Variants in RALYL observed in about 807,000 individuals in gnomAD.
RALYL encodes RALY RNA binding protein like, also known as RNA-binding Raly-like protein.
A neutral mutation model predicts 35.1 loss-of-function variants in RALYL; 29 were observed. The ratio of observed to expected loss-of-function variants is 0.83; its 90% confidence interval spans 0.61 to 1.13. The LOEUF is 1.13. RALYL is among the 50% of genes most tolerant of loss of function. The pLI is 0.00. For missense variants in RALYL, 359 were observed against 360.4 expected (o/e 1.00, Z 0.03); for synonymous variants, 120 against 127.6 (o/e 0.94, Z 0.40).
At chr8:84,502,557 A>G (rs1161527692) in intron 1 of RALYL, among the ~76,000 whole-genome samples, 1 of 152,112 alleles carries the variant, frequency 6.6e-6, no homozygotes, top group African/African-American at 2.4e-5. Context: ...ATAGAATAAA[A>G]AAGGTTTCTT....
intron 2 of RALYL, among the ~76,000 whole-genome samples, chr8:84,583,570 A>C (rs1811326070): frequency 6.6e-6 from 1 of 152,164 alleles, no homozygotes; most frequent in South Asian, 2.1e-4. Context: ...AAGTCCAGTA[A>C]AATTTAGGTT....
At chr8:84,507,635 G>A (rs953436431) in intron 1 of RALYL, among the ~76,000 whole-genome samples, 9 of 152,158 alleles carry the variant, frequency 5.9e-5, no homozygotes, top group Admixed American at 2.0e-4. Context: ...CAGGAGATAA[G>A]CTCAAATGAC....
intron 2 of RALYL, among the ~76,000 whole-genome samples, chr8:84,741,961 C>G (rs890419436): frequency 1.3e-5 from 2 of 150,102 alleles, no homozygotes; most frequent in African/African-American, 4.9e-5. Context: ...TATTTTGGTT[C>G]TCTTTCCTTT....
chr8:84,903,481 G>C (rs1205867587), intron 8 of RALYL, among the ~76,000 whole-genome samples: 2 of 152,042 alleles, frequency 1.3e-5, no homozygotes, highest in African/African-American at 2.4e-5. Flanking sequence ...TAAACACAGA[G>C]AGACAGACTA....
intron 4 of RALYL, among the ~76,000 whole-genome samples, chr8:84,848,749 G>A (rs753219023): frequency 1.3e-5 from 2 of 152,074 alleles, no homozygotes; most frequent in African/African-American, 2.4e-5. Flanking sequence ...TGTACTTAAC[G>A]CCATTGAATC....
At chr8:84,428,102 T>TCACACA (rs1364681176) in intron 1 of RALYL, among the ~76,000 whole-genome samples, 38 of 131,236 alleles carry the variant, frequency 2.9e-4, no homozygotes, top group African/African-American at 1.1e-3. Flanking sequence ...TCTCTCTCTC[T>TCACACA]CTCTCACACA....
At chr8:84,823,406 T>G (rs371984358) in intron 4 of RALYL, among the ~76,000 whole-genome samples, 31 of 152,252 alleles carry the variant, frequency 2.0e-4, no homozygotes, top group Middle Eastern at 6.8e-3. Flanking sequence ...TTGAAGACTC[T>G]TGAAAGAGAG....
intron 4 of RALYL, among the ~76,000 whole-genome samples, chr8:84,835,667 A>C (rs1831852716): frequency 6.7e-6 from 1 of 149,366 alleles, no homozygotes; most frequent in African/African-American, 2.5e-5. Context: ...TGGGCAACAA[A>C]AGCAAAACTC....
intron 2 of RALYL, chr8:84,679,637 G>T: frequency 4.2e-6 from 2 of 480,248 alleles, no homozygotes; most frequent in Non-Finnish European, 8.4e-6. Flanking sequence ...TCAGTTTGAT[G>T]ATGGTGCTGG....
intron 2 of RALYL, among the ~76,000 whole-genome samples, chr8:84,589,825 G>T (rs1812829002): frequency 6.6e-6 from 1 of 152,130 alleles, no homozygotes. Flanking sequence ...CCACTCTGTT[G>T]TTTAAAATTA....
At chr8:84,262,941 G>A (rs775084272) in intron 1 of RALYL, among the ~76,000 whole-genome samples, 6 of 152,134 alleles carry the variant, frequency 3.9e-5, no homozygotes, top group South Asian at 2.1e-4. Context: ...AAAGGTACCT[G>A]TTGAGAAGTG....
intron 3 of RALYL, among the ~76,000 whole-genome samples, chr8:84,802,319 C>A (rs1490162953): frequency 6.6e-6 from 1 of 152,178 alleles, no homozygotes; most frequent in African/African-American, 2.4e-5. Flanking sequence ...TATACACAAT[C>A]AGAGGGTGAG....
intron 6 of RALYL, chr8:84,864,605 C>T (rs1314358613): frequency 3.9e-6 from 1 of 256,002 alleles, no homozygotes; most frequent in Non-Finnish European, 7.7e-6. Flanking sequence ...AGGATTAAAT[C>T]TAAGCTTGGA....
At chr8:84,671,689 G>A (rs1588909228) in intron 2 of RALYL, among the ~76,000 whole-genome samples, 1 of 152,310 alleles carries the variant, frequency 6.6e-6, no homozygotes, top group South Asian at 2.1e-4. Flanking sequence ...GGCTGGAGCA[G>A]CTGGGACACA....
chr8:84,278,720 A>T (rs1421428566), intron 1 of RALYL, among the ~76,000 whole-genome samples: 1 of 152,202 alleles, frequency 6.6e-6, no homozygotes, highest in Non-Finnish European at 1.5e-5. Flanking sequence ...TTTACTTGTC[A>T]GTGTCAGTTC....
chr8:84,855,277 G>T (rs1836737299), intron 5 of RALYL, among the ~76,000 whole-genome samples: 1 of 152,094 alleles, frequency 6.6e-6, no homozygotes, highest in African/African-American at 2.4e-5. Context: ...TGTGGCTAAG[G>T]GTAGGTCTGA....
At chr8:84,607,451 G>A (rs1023730871) in intron 2 of RALYL, among the ~76,000 whole-genome samples, 16 of 152,052 alleles carry the variant, frequency 1.1e-4, no homozygotes, top group Admixed American at 2.0e-4. Context: ...TAGCAAAATC[G>A]TAATTCAAAA....
intron 1 of RALYL, among the ~76,000 whole-genome samples, chr8:84,524,730 T>G (rs188873112): frequency 1.2e-4 from 18 of 152,174 alleles, no homozygotes; most frequent in Admixed American, 8.5e-4. Flanking sequence ...GCTTTATTTA[T>G]TCTGATCACA....
chr8:84,485,185 GT>G (rs1446061727), intron 1 of RALYL, among the ~76,000 whole-genome samples: 3 of 151,984 alleles, frequency 2.0e-5, no homozygotes, highest in Non-Finnish European at 2.9e-5. Flanking sequence ...AGTTTCATGA[GT>G]TTTATTTTTC....
Sources: gnomAD v4.1 joint callset for allele counts (sites outside exome capture counted in the v4.1 genomes callset) on GRCh38, gnomAD v4.1.1 for gene constraint, MANE v1.5 for transcripts, NCBI Gene and HGNC (gene_info 2026-07-23, HGNC 2026-07-21) for gene names.